The following MME variants were observed in gnomAD, a reference collection of about 807,000 sequenced individuals.
MME encodes neprilysin.
In MME, 98 loss-of-function variants were observed where a neutral mutation model predicts 113.2. The ratio of observed to expected loss-of-function variants is 0.87; its 90% confidence interval spans 0.74 to 1.02. MME has a LOEUF of 1.02. Ranked by LOEUF, MME falls within the 50% of genes least tolerant of loss-of-function variation. MME has a pLI of 0.00. For synonymous variants in MME, 292 were observed against 300.6 expected, an observed-to-expected ratio of 0.97 and a Z score of 0.30; for missense variants, 836 against 896.0, an observed-to-expected ratio of 0.93 and a Z score of 0.86.
intron 1 of MME, among the ~76,000 whole-genome samples, chr3:155,033,137 A>G (rs1355602834): frequency 1.3e-5 from 2 of 152,220 alleles, no homozygotes; most frequent in Non-Finnish European, 2.9e-5. Flanking sequence ...TTAGTCATTT[A>G]CAGAACAAGA....
intron 22 of MME, among the ~76,000 whole-genome samples, chr3:155,177,147 C>T (rs947925220): frequency 1.3e-5 from 2 of 152,044 alleles, no homozygotes; most frequent in South Asian, 2.1e-4. Flanking sequence ...AGAATTAAGT[C>T]GTGGGTTTGG....
intron 1 of MME, among the ~76,000 whole-genome samples, chr3:155,037,926 C>T (rs1287291641): frequency 6.6e-6 from 1 of 151,972 alleles, no homozygotes. Flanking sequence ...CACTCTTTAG[C>T]TGCGTGTGTG....
intron 3 of MME, among the ~76,000 whole-genome samples, chr3:155,094,905 T>C (rs1716602621): frequency 6.6e-6 from 1 of 152,232 alleles, no homozygotes; most frequent in African/African-American, 2.4e-5. Context: ...TGGTATTCAA[T>C]GCGTGGTCCA....
At chr3:155,133,062 A>AAATATAT (rs1553762419) in intron 8 of MME, among the ~76,000 whole-genome samples, 3 of 75,102 alleles carry the variant, frequency 4.0e-5, no homozygotes, top group East Asian at 3.2e-4. Context: ...AAAAAAAAAA[A>AAATATAT]ATATATATAT....
intron 8 of MME, among the ~76,000 whole-genome samples, chr3:155,127,570 CAGAGAGGAAGGTCGTATCATTTAA>C (rs1315767970): frequency 6.6e-6 from 1 of 152,136 alleles, no homozygotes; most frequent in Non-Finnish European, 1.5e-5. Context: ...ACTTGGTTGG[CAGAGAGGAAGGTCGTATCATTTAA>C]AAGATGAGGA....
chr3:155,087,533 C>G (rs1360230221), intron 3 of MME, among the ~76,000 whole-genome samples: 2 of 152,092 alleles, frequency 1.3e-5, no homozygotes, highest in Non-Finnish European at 2.9e-5. Context: ...TCCCCAGATC[C>G]TCCTATGCTT....
chr3:155,085,175 G>A (rs374391710), intron 3 of MME, 81 bp downstream of exon 3: 21 of 908,350 alleles, frequency 2.3e-5, no homozygotes, highest in South Asian at 2.2e-4. Context: ...AATTTGCTTT[G>A]TTTACACTTT....
chr3:155,089,118 C>A (rs928905481), intron 3 of MME, among the ~76,000 whole-genome samples: 2 of 152,098 alleles, frequency 1.3e-5, no homozygotes, highest in African/African-American at 4.8e-5. Flanking sequence ...ATGTGTAATG[C>A]ATCAGTATGA....
chr3:155,052,281 G>T (rs1189524205), intron 1 of MME, among the ~76,000 whole-genome samples: 2 of 152,198 alleles, frequency 1.3e-5, no homozygotes, highest in South Asian at 2.1e-4. Context: ...GAAGACGGTG[G>T]CCCTCTTCTC....
intron 1 of MME, among the ~76,000 whole-genome samples, chr3:155,027,608 C>T (rs1712831326): frequency 6.6e-6 from 1 of 152,150 alleles, no homozygotes; most frequent in Admixed American, 6.5e-5. Context: ...TCTTAAAGGC[C>T]CAGCTCAAAT....
chr3:155,129,285 T>C (rs1352651730), intron 8 of MME, among the ~76,000 whole-genome samples: 1 of 152,130 alleles, frequency 6.6e-6, no homozygotes, highest in East Asian at 1.9e-4. Flanking sequence ...TCAAAAGTAC[T>C]CTAATCGTAG....
chr3:155,109,278 T>C (rs1576594282), intron 3 of MME, among the ~76,000 whole-genome samples: 1 of 151,970 alleles, frequency 6.6e-6, no homozygotes, highest in East Asian at 1.9e-4. Context: ...CTTGAGACAA[T>C]GAAAGATGAG....
At chr3:155,136,221 T>C (rs906730354) in intron 8 of MME, among the ~76,000 whole-genome samples, 1 of 152,174 alleles carries the variant, frequency 6.6e-6, no homozygotes, top group African/African-American at 2.4e-5. Flanking sequence ...GTCGTGTTTC[T>C]GTTCTCAAGG....
chr3:155,028,998 T>C (rs758208342), intron 1 of MME, among the ~76,000 whole-genome samples: 1 of 152,186 alleles, frequency 6.6e-6, no homozygotes, highest in Non-Finnish European at 1.5e-5. Flanking sequence ...AAAGTGATCA[T>C]GTAAAGGTTT....
chr3:155,048,860 T>A (rs145020149), intron 1 of MME, among the ~76,000 whole-genome samples: 74 of 152,280 alleles, frequency 4.9e-4, no homozygotes, highest in African/African-American at 1.7e-3. Context: ...AATTATTGTT[T>A]GCTTTCCATA....
rs116079482 is a variant in MME at position 155,110,001 on chromosome 3, G to A, written c.197-4993G>A. Among the ~76,000 whole-genome samples the A allele has an allele frequency of 8.1e-3, 1,228 of 152,258 alleles. 15 individuals carry two copies. The highest frequency in any genetic ancestry group is 0.028 in the African/African-American group (1,159 of 41,538). ...ACTCCACTATAAAAAATTCATCCGCGGACTCTCCAAGTCCTCAAGCTGTAC... is the reference window on the plus strand; with the variant it reads ...ACTCCACTATAAAAAATTCATCCGCAGACTCTCCAAGTCCTCAAGCTGTAC... On this transcript the variant is annotated intron_variant, in intron 3 of 22. Coordinates refer to ENST00000360490, the MANE Select transcript of MME (RefSeq NM_007289.4).
At chr3:155,045,523 CTT>C (rs57902267) in intron 1 of MME, among the ~76,000 whole-genome samples, 40 of 138,382 alleles carry the variant, frequency 2.9e-4, no homozygotes, top group Admixed American at 4.4e-4. Flanking sequence ...AATTAATTAT[CTT>C]TTTTTTTTTT....
intron 1 of MME, among the ~76,000 whole-genome samples, chr3:155,043,837 G>C (rs1713446657): frequency 6.6e-6 from 1 of 151,758 alleles, no homozygotes; most frequent in Admixed American, 6.6e-5. Context: ...TTTCAAAATT[G>C]TCCTTGCTAT....
intron 3 of MME, among the ~76,000 whole-genome samples, chr3:155,094,907 C>T (rs13065680): frequency 0.11 from 17,020 of 152,196 alleles, 1,034 homozygotes; most frequent in Non-Finnish European, 0.14. Flanking sequence ...GTATTCAATG[C>T]GTGGTCCATG....
Sources: gnomAD v4.1 joint callset for allele counts (sites outside exome capture counted in the v4.1 genomes callset) on GRCh38, gnomAD v4.1.1 for gene constraint, MANE v1.5 for transcripts, NCBI Gene and HGNC (gene_info 2026-07-23, HGNC 2026-07-21) for gene names.